CYP7B1: variants seen among roughly 807,000 people sequenced by gnomAD.
CYP7B1 encodes the protein cytochrome P450 family 7 subfamily B member 1, also known as cytochrome P450 7B1.
Under a neutral mutation model 42.7 loss-of-function variants are expected in CYP7B1, and 29 were observed. That is an observed-to-expected ratio of 0.68 (90% confidence interval 0.51 to 0.93). The LOEUF (loss-of-function observed/expected upper bound fraction) is 0.93. CYP7B1 is among the 40% of genes least tolerant of loss of function. The pLI, the probability that CYP7B1 is intolerant of heterozygous loss-of-function variation, is 0.00. For synonymous variants in CYP7B1, 235 were observed against 218.2 expected (o/e 1.08, Z -0.68); for missense variants, 655 against 600.5 (o/e 1.09, Z -0.95).
intron 1 of CYP7B1, among the ~76,000 whole-genome samples, chr8:64,710,614 C>T (rs569569389): frequency 5.3e-5 from 8 of 152,094 alleles, no homozygotes; most frequent in Non-Finnish European, 1.2e-4. Flanking sequence ...AGTTAGGATA[C>T]TTGCCATTTT....
At chr8:64,626,716 AG>A (rs1287752822) in intron 1 of CYP7B1, among the ~76,000 whole-genome samples, 4 of 152,234 alleles carry the variant, frequency 2.6e-5, no homozygotes, top group Admixed American at 6.5e-5. Flanking sequence ...AAAGTAAAAA[AG>A]GTAAAAAGAA....
chr8:64,760,910 T>C (rs7833820), intron 1 of CYP7B1, among the ~76,000 whole-genome samples: 3,025 of 152,246 alleles, frequency 0.02, 106 homozygotes, highest in African/African-American at 0.067. Flanking sequence ...CAGTGTTCAT[T>C]GTAGCATTAT....
Position 64,593,232 on chromosome 8 carries a change from G to GGGGTGTGTGTGTGTGTGTGTGT in CYP7B1, c.*3409_*3410insACACACACACACACACACACCC, listed in dbSNP as rs1285868725. 8.1e-6 allele frequency among the ~76,000 whole-genome samples: 1 copy of GGGGTGTGTGTGTGTGTGTGTGT among 123,372 alleles called. No homozygotes were observed. The highest frequency in any genetic ancestry group is 2.8e-4 in the South Asian group (1 of 3,582). The allele number at this position is 123,372 out of a possible 152,430, so 80.9% of individuals were successfully genotyped here. On this transcript the variant is annotated 3_prime_UTR_variant, in exon 6 of 6. Transcript: ENST00000310193. ...TGGTGGACTAAAGGCTAGGGCCCAG[G>GGGGTGTGTGTGTGTGTGTGTGT]GTGTGTGTGTGTGTGTGTGTGTGTG...
At chr8:64,758,674 A>G (rs1585898144) in intron 1 of CYP7B1, among the ~76,000 whole-genome samples, 1 of 152,320 alleles carries the variant, frequency 6.6e-6, no homozygotes, top group Middle Eastern at 3.4e-3. Context: ...CAGACACAGT[A>G]ACTCACTGCA....
At chr8:64,781,036 G>T (rs754550418) in intron 1 of CYP7B1, among the ~76,000 whole-genome samples, 3 of 152,084 alleles carry the variant, frequency 2.0e-5, no homozygotes, top group Non-Finnish European at 4.4e-5. Flanking sequence ...ACTTACTTGT[G>T]AATCTATGGG....
At chr8:64,788,716 T>TA (rs1267941237) in intron 1 of CYP7B1, among the ~76,000 whole-genome samples, 1 of 152,224 alleles carries the variant, frequency 6.6e-6, no homozygotes. Flanking sequence ...TTTCAATGTT[T>TA]AAAATTACAA....
chr8:64,662,668 G>A (rs1806216473), intron 1 of CYP7B1, among the ~76,000 whole-genome samples: 1 of 152,046 alleles, frequency 6.6e-6, no homozygotes, highest in South Asian at 2.1e-4. Context: ...AAATAGTAAT[G>A]ATCACAGTGA....
intron 2 of CYP7B1, among the ~76,000 whole-genome samples, chr8:64,619,284 T>C (rs999883454): frequency 6.6e-6 from 1 of 152,218 alleles, no homozygotes; most frequent in African/African-American, 2.4e-5. Context: ...CCGTGTATTC[T>C]TGCAGCAACA....
chr8:64,722,326 C>T (rs1288613559), intron 1 of CYP7B1, among the ~76,000 whole-genome samples: 5 of 152,066 alleles, frequency 3.3e-5, no homozygotes, highest in Non-Finnish European at 7.4e-5. Context: ...AGAAGTTCCC[C>T]AAGACAAACT....
At chr8:64,605,376 A>C (rs1805264101) in intron 4 of CYP7B1, among the ~76,000 whole-genome samples, 1 of 152,210 alleles carries the variant, frequency 6.6e-6, no homozygotes, top group Admixed American at 6.5e-5. Flanking sequence ...ATGTGAGTCA[A>C]CATTTGCTGG....
intron 1 of CYP7B1, among the ~76,000 whole-genome samples, chr8:64,674,020 C>G (rs921358627): frequency 2.6e-5 from 4 of 151,970 alleles, no homozygotes; most frequent in African/African-American, 9.7e-5. Flanking sequence ...TTTTTTTCAC[C>G]CCTTCCCTCC....
At position 64,645,032 on chromosome 8, in the gene CYP7B1, T is replaced by C. The variant is rs548521914; in HGVS notation, c.123-20493A>G. ...GGTGTTTGGTTTTTTGTCCTTGCAA[T>C]AGTTTACTGAGAATGATGATTTCCA... On this transcript the variant is annotated intron_variant, in intron 1 of 5. Coordinates refer to ENST00000310193, the MANE Select transcript of CYP7B1 (RefSeq NM_004820.5). Among the ~76,000 whole-genome samples, 27 of 151,814 alleles carry C rather than the reference T, an allele frequency of 1.8e-4. No individual in the cohort carries two copies. The East Asian group carries it at 4.9e-3, about 27-fold the overall frequency.
chr8:64,617,158 T>C (rs1192095083), intron 2 of CYP7B1, among the ~76,000 whole-genome samples: 1 of 152,178 alleles, frequency 6.6e-6, no homozygotes, highest in East Asian at 1.9e-4. Flanking sequence ...ATTTACCTTT[T>C]CAACATATCA....
intron 1 of CYP7B1, among the ~76,000 whole-genome samples, chr8:64,635,432 GCT>G (rs1169515507): frequency 6.6e-6 from 1 of 152,162 alleles, no homozygotes; most frequent in African/African-American, 2.4e-5. Flanking sequence ...CAATAATGCA[GCT>G]CTCTGTTCTT....
intron 2 of CYP7B1, among the ~76,000 whole-genome samples, chr8:64,622,881 T>C (rs981642527): frequency 3.9e-5 from 6 of 152,066 alleles, no homozygotes; most frequent in Non-Finnish European, 8.8e-5. Context: ...CTAAGGGAGA[T>C]TATACTGGAT....
chr8:64,717,614 A>G (rs1807176778), intron 1 of CYP7B1, among the ~76,000 whole-genome samples: 1 of 151,968 alleles, frequency 6.6e-6, no homozygotes, highest in South Asian at 2.1e-4. Flanking sequence ...GCACTTTGGG[A>G]GGCCAGCGCA....
At chr8:64,739,147 A>G (rs1453571366) in intron 1 of CYP7B1, among the ~76,000 whole-genome samples, 2 of 152,194 alleles carry the variant, frequency 1.3e-5, no homozygotes, top group East Asian at 3.8e-4. Flanking sequence ...CATTTCTCCT[A>G]GTGGACTTTC....
chr8:64,683,649 A>G (rs1373452969), intron 1 of CYP7B1, among the ~76,000 whole-genome samples: 4 of 152,056 alleles, frequency 2.6e-5, no homozygotes, highest in African/African-American at 9.7e-5. Context: ...GGAGATGGAT[A>G]CCCCATTTTC....
At position 64,614,554 on chromosome 8, in the gene CYP7B1, G is replaced by A. The variant is rs528159270; in HGVS notation, c.1057+472C>T. On this transcript the variant is annotated intron_variant, in intron 4 of 5. Transcript: ENST00000310193. ...AACTTCCAATGGAAAACTGTTTTCT[G>A]TGTTTTTGAGAATCACACACTCCAT... is the stretch of plus-strand genomic sequence containing the variant. Among the ~76,000 whole-genome samples the A allele has an allele frequency of 2.0e-5, 3 of 150,094 alleles. No individual in the cohort carries two copies. In the South Asian group the frequency reaches 6.4e-4, roughly 32 times the overall value.
Sources: gnomAD v4.1 joint callset for allele counts (sites outside exome capture counted in the v4.1 genomes callset) on GRCh38, gnomAD v4.1.1 for gene constraint, MANE v1.5 for transcripts, NCBI Gene and HGNC (gene_info 2026-07-23, HGNC 2026-07-21) for gene names.